The following ERCC8 variants were observed in gnomAD, a reference collection of about 807,000 sequenced individuals.
ERCC8 encodes DNA excision repair protein ERCC-8.
In ERCC8, 52 loss-of-function variants were observed where a neutral mutation model predicts 54.9. The ratio of observed to expected loss-of-function variants is 0.95; its 90% CI spans 0.76 to 1.19. The LOEUF (loss-of-function observed/expected upper bound fraction) is 1.19, where lower values mean the gene tolerates loss of function less well. Among genes scored for constraint, ERCC8 ranks in the 50% most tolerant of loss-of-function variants. The pLI is 0.00. For synonymous variants in ERCC8, 146 were observed against 157.2 expected, an observed-to-expected ratio of 0.93 and a Z score of 0.53; for missense variants, 514 against 466.1, an observed-to-expected ratio of 1.10 and a Z score of -0.95.
At chr5:60,892,857 C>A in intron 9 of ERCC8, 1 of 694,238 alleles carries the variant, frequency 1.4e-6, no homozygotes. Context: ...GTGCTTCAGG[C>A]TTTTAATCAG....
At chr5:60,926,773 A>G (rs1488197875) in intron 2 of ERCC8, among the ~76,000 whole-genome samples, 1 of 152,254 alleles carries the variant, frequency 6.6e-6, no homozygotes, top group African/African-American at 2.4e-5. Context: ...AATCTTCATG[A>G]AACGTTGCTT....
In ERCC8 at chr5:60,929,087, C is replaced by A. The variant is rs158570; in HGVS notation, c.78-128G>T. ...CTAAATCTTCTACCACACATCCTAA[C>A]GTATTTATAGATTTTTAGACATCTT... is the stretch of plus-strand genomic sequence containing the variant. On this transcript the variant is annotated intron_variant, in intron 1 of 11. Coordinates refer to ENST00000676185, the MANE Select transcript of ERCC8 (RefSeq NM_000082.4). 8 of 637,356 alleles carry A rather than the reference C, an allele frequency of 1.3e-5. No homozygotes were observed. In the Admixed American group the frequency reaches 1.3e-4, roughly 11 times the overall value. The allele number at this position is 637,356 out of a possible 1,614,324, so 39.5% of individuals were successfully genotyped here. A position where few individuals can be genotyped will look rare whatever the true frequency, so the allele number is the denominator to read the frequency against.
chr5:60,925,849 A>C (rs901562137), intron 2 of ERCC8, among the ~76,000 whole-genome samples: 4 of 152,208 alleles, frequency 2.6e-5, no homozygotes, highest in Non-Finnish European at 5.9e-5. Flanking sequence ...TCTGAGAAGA[A>C]GTCTCGCTCT....
intron 9 of ERCC8, among the ~76,000 whole-genome samples, chr5:60,894,169 A>C (rs1323371782): frequency 6.6e-6 from 1 of 151,932 alleles, no homozygotes; most frequent in Non-Finnish European, 1.5e-5. Flanking sequence ...TATTTTTAGT[A>C]GACACGGGGT....
rs1198513897 is a variant in ERCC8 at position 60,898,303 on chromosome 5, C to T, written c.816G>A (p.Trp272Ter). The T allele has an allele frequency of 1.2e-6, 2 of 1,613,414 alleles. No homozygotes were observed. The highest frequency in any genetic ancestry group is 3.3e-5 in the Admixed American group (2 of 59,990). Residue 272 changes from tryptophan to a stop codon, truncating the protein, a stop_gained, in exon 9 of 12, where the codon TGG becomes TGA. Transcript: ENST00000676185. LOFTEE classifies it high-confidence loss of function. ...GTGTGTTTTCTCCATTGGAACTATT[C>T]CAGAGCCTCATTCGATTATCTGTAC... ...TVGTDNRMRLWNSSNGENTLV... is the reference protein window; with the variant it reads ...TVGTDNRMRL
chr5:60,897,544 T>C (rs1001292385), intron 9 of ERCC8, among the ~76,000 whole-genome samples: 21 of 152,174 alleles, frequency 1.4e-4, no homozygotes, highest in Non-Finnish European at 1.3e-4. Flanking sequence ...TAGTAGTTTG[T>C]TCTGAAAATT....
intron 9 of ERCC8, among the ~76,000 whole-genome samples, 174 bp downstream of exon 9, chr5:60,898,102 G>T (rs1323378935): frequency 1.3e-5 from 2 of 152,118 alleles, no homozygotes; most frequent in African/African-American, 2.4e-5. Flanking sequence ...GTAGGTAGTG[G>T]GTAAGGGTGG....
chr5:60,937,831 T>C (rs1372683356), intron 1 of ERCC8, among the ~76,000 whole-genome samples: 1 of 152,070 alleles, frequency 6.6e-6, no homozygotes, highest in Non-Finnish European at 1.5e-5. Context: ...GGAGCGTTCC[T>C]GTGGTAGTTC....
At chr5:60,923,796 C>T (rs1479005295) in intron 2 of ERCC8, among the ~76,000 whole-genome samples, 1 of 152,030 alleles carries the variant, frequency 6.6e-6, no homozygotes, top group Non-Finnish European at 1.5e-5. Context: ...TACAAATATA[C>T]ATTTATCCCA....
At chr5:60,919,490 G>C (rs1001260704) in intron 3 of ERCC8, 8 of 151,950 alleles carry the variant, frequency 5.3e-5, no homozygotes, top group African/African-American at 1.7e-4. Flanking sequence ...GCTATCTGAA[G>C]GAATGAGAAC....
intron 11 of ERCC8, among the ~76,000 whole-genome samples, chr5:60,879,745 C>G (rs957122967): frequency 3.3e-5 from 5 of 152,180 alleles, no homozygotes; most frequent in Admixed American, 6.5e-5. Context: ...CCTTTATTTT[C>G]AGCCTATGTG....
chr5:60,893,749 C>G (rs539101999), intron 9 of ERCC8: 1 of 377,664 alleles, frequency 2.6e-6, no homozygotes, highest in East Asian at 5.2e-5. Context: ...GCAGTCTCCA[C>G]GAGGGGGCGG....
At position 60,874,684 on chromosome 5, in the gene ERCC8, C is replaced by CT. The variant is rs1435460077; in HGVS notation, c.1123-2dup. 1.3e-6 allele frequency: 2 copies of CT among 1,586,484 alleles called. No homozygotes were observed. Among genetic ancestry groups the CT allele is most frequent in the Non-Finnish European group, 1.7e-6 (2 of 1,168,876 alleles). Reference sequence around the variant, plus strand: ...GATTTAATTGTGATTTTGTTGTAGTCTAAAAAAAAAAAAGATAAAGAAAAA... The same window carrying CT: ...GATTTAATTGTGATTTTGTTGTAGTCTTAAAAAAAAAAAAGATAAAGAAAAA... On this transcript the variant is annotated splice_acceptor_variant, in intron 11 of 11. Coordinates refer to ENST00000676185, the MANE Select transcript of ERCC8 (RefSeq NM_000082.4). LOFTEE classifies it high-confidence loss of function.
At chr5:60,894,611 C>T (rs1748669810) in intron 9 of ERCC8, among the ~76,000 whole-genome samples, 1 of 152,226 alleles carries the variant, frequency 6.6e-6, no homozygotes, top group African/African-American at 2.4e-5. Context: ...GTGAGCATCA[C>T]CTGAAGCAGT....
chr5:60,883,681 C>G (rs1748312416), intron 11 of ERCC8, among the ~76,000 whole-genome samples: 1 of 152,132 alleles, frequency 6.6e-6, no homozygotes, highest in Non-Finnish European at 1.5e-5. Flanking sequence ...ATATGTAAAA[C>G]AGTTATGTAT....
chr5:60,895,169 CAA>C (rs5868257), intron 9 of ERCC8, among the ~76,000 whole-genome samples: 128 of 90,760 alleles, frequency 1.4e-3, no homozygotes, highest in South Asian at 2.6e-3. Flanking sequence ...GACTCTACCT[CAA>C]AAAAAAAAAA....
At chr5:60,928,359 A>T (rs1001833420) in intron 2 of ERCC8, among the ~76,000 whole-genome samples, 2 of 152,216 alleles carry the variant, frequency 1.3e-5, no homozygotes, top group Non-Finnish European at 2.9e-5. Flanking sequence ...CTCAATCTTC[A>T]AAACAAGCTT....
At chr5:60,944,862 G>A in intron 1 of ERCC8, 70 bp downstream of exon 1, 1 of 1,128,780 alleles carries the variant, frequency 8.9e-7, no homozygotes, top group Non-Finnish European at 1.4e-6. Context: ...GGGAAAGTGT[G>A]GGGCAAAGCT....
chr5:60,903,714 C>A lies in ERCC8; in HGVS notation c.484G>T (p.Gly162Cys). 1 of 1,612,198 alleles carries A rather than the reference C, an allele frequency of 6.2e-7. No homozygotes were observed. The highest frequency in any genetic ancestry group is 2.2e-5 in the East Asian group (1 of 44,756). Reference protein sequence around the residue: ...VSTKHCLVAVGTRGPKVQLCD... With the variant: ...VSTKHCLVAVCTRGPKVQLCD... Reference sequence around the variant, plus strand: ...AGTTGTACTTTGGGTCCTCTAGTACCAACTGTAAAAACAGAACCGGTTTAA... The same window carrying A: ...AGTTGTACTTTGGGTCCTCTAGTACAAACTGTAAAAACAGAACCGGTTTAA... Residue 162 changes from glycine to cysteine, a missense_variant and splice_region_variant, in exon 6 of 12, where the codon GGT becomes TGT. Coordinates refer to ENST00000676185, the MANE Select transcript of ERCC8 (RefSeq NM_000082.4).
Sources: gnomAD v4.1 joint callset for allele counts (sites outside exome capture counted in the v4.1 genomes callset) on GRCh38, gnomAD v4.1.1 for gene constraint, MANE v1.5 for transcripts, NCBI Gene and HGNC (gene_info 2026-07-23, HGNC 2026-07-21) for gene names.